Variants in EFCAB11 observed in about 807,000 individuals in gnomAD.
The protein encoded by EFCAB11 is EF-hand calcium-binding domain-containing protein 11.
In EFCAB11, 14 loss-of-function variants were observed where a neutral mutation model predicts 23.0. The observed-to-expected ratio is 0.61, with a 90% CI of 0.40 to 0.95. EFCAB11 has a LOEUF of 0.95. Among genes scored for constraint, EFCAB11 ranks in the 40% least tolerant of loss-of-function variants. EFCAB11 has a pLI of 0.00. For missense variants in EFCAB11, 198 were observed against 195.8 expected, an observed-to-expected ratio of 1.01 and a Z score of -0.07; for synonymous variants, 65 against 66.6, an observed-to-expected ratio of 0.98 and a Z score of 0.11.
intron 5 of EFCAB11, among the ~76,000 whole-genome samples, chr14:89,916,020 GTAT>G (rs1401113208): frequency 6.6e-6 from 1 of 152,038 alleles, no homozygotes; most frequent in Non-Finnish European, 1.5e-5. Context: ...ATGGATACCA[GTAT>G]CAAGAGAGCA....
intron 5 of EFCAB11, among the ~76,000 whole-genome samples, chr14:89,855,420 G>A (rs4312251): frequency 0.65 from 98,180 of 151,838 alleles, 33,726 homozygotes; most frequent in Non-Finnish European, 0.79. Context: ...AGGCTGCAGT[G>A]AGCCATGATC....
intron 5 of EFCAB11, among the ~76,000 whole-genome samples, chr14:89,832,647 C>T (rs10782476): frequency 0.41 from 61,684 of 152,020 alleles, 13,820 homozygotes; most frequent in East Asian, 0.72. Flanking sequence ...ACCTACTGAA[C>T]ATCATAGTTT....
chr14:89,802,491 A>C (rs1454238051), intron 5 of EFCAB11, among the ~76,000 whole-genome samples: 1 of 152,130 alleles, frequency 6.6e-6, no homozygotes, highest in Admixed American at 6.5e-5. Flanking sequence ...TCCCAGAATC[A>C]AGTGATTCTC....
chr14:89,913,410 G>A (rs1259505834), intron 5 of EFCAB11, among the ~76,000 whole-genome samples: 3 of 152,140 alleles, frequency 2.0e-5, no homozygotes, highest in South Asian at 2.1e-4. Context: ...TTTGATCCAG[G>A]TCTATGTAAC....
At chr14:89,845,833 T>C (rs1006558239) in intron 5 of EFCAB11, among the ~76,000 whole-genome samples, 1 of 152,122 alleles carries the variant, frequency 6.6e-6, no homozygotes, top group African/African-American at 2.4e-5. Context: ...GAGTGGTGCG[T>C]CTCTGGACAG....
intron 3 of EFCAB11, among the ~76,000 whole-genome samples, chr14:89,936,088 T>G (rs534780360): frequency 6.1e-4 from 93 of 152,338 alleles, no homozygotes; most frequent in African/African-American, 2.1e-3. Flanking sequence ...TCTCTTTCTA[T>G]TCACATAGCC....
At chr14:89,879,843 T>C (rs895096930) in intron 5 of EFCAB11, among the ~76,000 whole-genome samples, 2 of 152,130 alleles carry the variant, frequency 1.3e-5, no homozygotes, top group African/African-American at 4.8e-5. Flanking sequence ...ATTTTCTAAT[T>C]ATAAAAAGAG....
intron 5 of EFCAB11, among the ~76,000 whole-genome samples, chr14:89,929,902 A>G (rs991486648): frequency 6.6e-6 from 1 of 152,232 alleles, no homozygotes; most frequent in Non-Finnish European, 1.5e-5. Context: ...AAAAATCTCT[A>G]TAAGGTAGTA....
At chr14:89,926,019 G>A (rs905938519) in intron 5 of EFCAB11, among the ~76,000 whole-genome samples, 1 of 151,866 alleles carries the variant, frequency 6.6e-6, no homozygotes, top group Non-Finnish European at 1.5e-5. Flanking sequence ...TAGTAGAGAC[G>A]GGGTTTCACC....
chr14:89,951,973 T>C (rs922799949), intron 2 of EFCAB11, among the ~76,000 whole-genome samples: 2 of 152,156 alleles, frequency 1.3e-5, no homozygotes, highest in Non-Finnish European at 2.9e-5. Flanking sequence ...AATGTATAAG[T>C]GATTTATTAT....
chr14:89,937,527 A>G (rs1008281717), intron 3 of EFCAB11, among the ~76,000 whole-genome samples: 10 of 151,928 alleles, frequency 6.6e-5, no homozygotes, highest in Non-Finnish European at 1.0e-4. Context: ...ATGTTCTATA[A>G]CATATATATA....
chr14:89,896,378 A>G lies in EFCAB11; in HGVS notation c.410+35163T>C, dbSNP rs564232390. 2.6e-5 allele frequency among the ~76,000 whole-genome samples: 4 copies of G among 151,836 alleles called. No individual in the cohort carries two copies. In the East Asian group the frequency reaches 7.8e-4, roughly 29 times the overall value. On this transcript the variant is annotated intron_variant, in intron 5 of 5. Transcript: ENST00000316738. ...GCACTCCAGCCTGGGTGGCAGAGCG[A>G]GACTCTGTCTCAAAAAAAAAAAGAA...
chr14:89,900,322 T>C (rs1479645287), intron 5 of EFCAB11, among the ~76,000 whole-genome samples: 3 of 151,888 alleles, frequency 2.0e-5, no homozygotes, highest in Non-Finnish European at 4.4e-5. Flanking sequence ...TAAAAAAAAA[T>C]CAGGACAGTG....
chr14:89,856,192 C>CTTTTTTTT (rs71107567), intron 5 of EFCAB11, among the ~76,000 whole-genome samples: 1 of 136,458 alleles, frequency 7.3e-6, no homozygotes, highest in Non-Finnish European at 1.5e-5. Flanking sequence ...CTCTCTCTCT[C>CTTTTTTTT]TTTTTTTTTT....
At chr14:89,872,540 T>C (rs1888312180) in intron 5 of EFCAB11, among the ~76,000 whole-genome samples, 1 of 152,148 alleles carries the variant, frequency 6.6e-6, no homozygotes, top group Non-Finnish European at 1.5e-5. Flanking sequence ...AGAATGTAGA[T>C]GATACTGGAG....
intron 5 of EFCAB11, 137 bp downstream of exon 5, chr14:89,931,404 C>T: frequency 1.3e-6 from 1 of 785,670 alleles, no homozygotes; most frequent in East Asian, 2.5e-5. Context: ...CCCTCCTGGA[C>T]CATGACACTA....
chr14:89,894,288 G>A (rs1049893727), intron 5 of EFCAB11, among the ~76,000 whole-genome samples: 2 of 151,460 alleles, frequency 1.3e-5, no homozygotes, highest in Admixed American at 6.6e-5. Context: ...TGGGATACAT[G>A]TGCGGAACGT....
chr14:89,834,209 T>C (rs745404866), intron 5 of EFCAB11, among the ~76,000 whole-genome samples: 30 of 150,300 alleles, frequency 2.0e-4, no homozygotes, highest in Non-Finnish European at 3.6e-4. Context: ...ACTCCGTCTC[T>C]ACTAAAAATA....
At chr14:89,889,291 G>A (rs1257605313) in intron 5 of EFCAB11, among the ~76,000 whole-genome samples, 1 of 152,138 alleles carries the variant, frequency 6.6e-6, no homozygotes, top group African/African-American at 2.4e-5. Context: ...CCCAAATAAA[G>A]TATTGGATAA....
Sources: allele counts gnomAD v4.1 joint callset (sites outside exome capture counted in the v4.1 genomes callset), GRCh38; gene constraint gnomAD v4.1.1; transcripts MANE v1.5; gene names NCBI Gene and HGNC (gene_info 2026-07-23, HGNC 2026-07-21).